Variants in DMD observed in about 807,000 individuals in gnomAD.
DMD encodes the protein mutant dystrophin.
Under a neutral mutation model 330.1 loss-of-function variants are expected in DMD, and 63 were observed. The ratio of observed to expected loss-of-function variants is 0.19; its 90% CI spans 0.16 to 0.24. DMD has a LOEUF of 0.24. Ranked by LOEUF, DMD falls within the 10% of genes least tolerant of loss-of-function variation. The pLI is 1.00. For synonymous variants in DMD, 1,223 were observed against 959.8 expected (o/e 1.27, Z -5.07); for missense variants, 3,344 against 2,684.1 (o/e 1.25, Z -5.43).
At chrX:32,655,887 T>TA (rs1274501796) in intron 9 of DMD, among the ~76,000 whole-genome samples, 1 of 111,612 alleles carries the variant, frequency 9.0e-6, no homozygotes, top group Admixed American at 9.6e-5. Flanking sequence ...CCTTTACCAT[T>TA]ATGTAATGGC....
intron 17 of DMD, among the ~76,000 whole-genome samples, chrX:32,543,305 GA>G (rs1378006482): frequency 9.2e-6 from 1 of 108,583 alleles, no homozygotes; most frequent in Non-Finnish European, 1.9e-5. Context: ...ACTCTTTCCT[GA>G]AAACAAAAAG....
At chrX:31,527,155 A>C (rs867344397) in intron 55 of DMD, among the ~76,000 whole-genome samples, 6 of 111,613 alleles carry the variant, frequency 5.4e-5, no homozygotes, top group Admixed American at 9.5e-5. Context: ...ACCAATCTGA[A>C]TCACAGATTG....
At chrX:32,687,882 G>A (rs2147427274) in intron 9 of DMD, among the ~76,000 whole-genome samples, 1 of 111,448 alleles carries the variant, frequency 9.0e-6, no homozygotes, top group African/African-American at 3.3e-5. Context: ...TATGCCAAGA[G>A]ATAACTGAGT....
intron 61 of DMD, among the ~76,000 whole-genome samples, chrX:31,327,962 T>C (rs1050127315): frequency 8.9e-6 from 1 of 112,657 alleles, no homozygotes; most frequent in Non-Finnish European, 1.9e-5. Context: ...TTGGCAATCA[T>C]GAATAAAGCT....
intron 51 of DMD, among the ~76,000 whole-genome samples, chrX:31,750,440 A>T (rs1269030084): frequency 9.1e-6 from 1 of 110,259 alleles, no homozygotes; most frequent in African/African-American, 3.3e-5. Flanking sequence ...GGTTTGTCAA[A>T]GATCAGATAG....
intron 7 of DMD, among the ~76,000 whole-genome samples, chrX:32,786,294 G>A (rs1322645853): frequency 4.6e-5 from 5 of 109,501 alleles, no homozygotes; most frequent in Non-Finnish European, 9.5e-5. Flanking sequence ...ACTCAAGGTG[G>A]GATTTCAATC....
chrX:33,106,046 TACACACACCAC>T (rs1346471283), intron 1 of DMD, among the ~76,000 whole-genome samples: 6 of 21,812 alleles, frequency 2.8e-4, no homozygotes, highest in African/African-American at 7.9e-4. Context: ...AAATGTGAGA[TACACACACCAC>T]ACACACACAC....
At chrX:31,576,486 T>G (rs986460403) in intron 55 of DMD, among the ~76,000 whole-genome samples, 4 of 110,005 alleles carry the variant, frequency 3.6e-5, no homozygotes, top group African/African-American at 1.3e-4. Context: ...GGCCTGACTT[T>G]GTATCCCTGT....
At chrX:31,239,692 A>G (rs1276633972) in intron 63 of DMD, among the ~76,000 whole-genome samples, 2 of 112,009 alleles carry the variant, frequency 1.8e-5, no homozygotes, top group Non-Finnish European at 3.8e-5. Context: ...AAATTTTCCC[A>G]AAAGCAAGCA....
At chrX:31,658,222 C>T in intron 53 of DMD, 78 bp from the exon 54 acceptor site, 2 of 1,050,384 alleles carry the variant, frequency 1.9e-6, no homozygotes, top group South Asian at 1.9e-5. Context: ...TAAAATACTT[C>T]GTAAACAGCT....
chrX:33,129,229 A>G (rs1214456158), intron 1 of DMD, among the ~76,000 whole-genome samples: 1 of 108,886 alleles, frequency 9.2e-6, no homozygotes, highest in East Asian at 2.9e-4. Context: ...TAACAATATA[A>G]CCAAGTAGAG....
At chrX:32,551,040 C>T (rs1167424083) in intron 16 of DMD, among the ~76,000 whole-genome samples, 1 of 110,989 alleles carries the variant, frequency 9.0e-6, no homozygotes, top group East Asian at 2.8e-4. Flanking sequence ...AGATTCACAC[C>T]TGAATACTAA....
chrX:32,720,679 A>T (rs1323141632), intron 7 of DMD, among the ~76,000 whole-genome samples: 3 of 111,852 alleles, frequency 2.7e-5, no homozygotes, highest in Admixed American at 1.9e-4. Context: ...AGAAAGGGTT[A>T]AGTAGCTGAG....
At chrX:32,225,370 C>T (rs1210597326) in intron 43 of DMD, among the ~76,000 whole-genome samples, 1 of 111,810 alleles carries the variant, frequency 8.9e-6, no homozygotes, top group Non-Finnish European at 1.9e-5. Context: ...AGATTATTGA[C>T]TCTTAATCTA....
intron 44 of DMD, among the ~76,000 whole-genome samples, chrX:32,068,971 T>A (rs2147771408): frequency 1.8e-5 from 2 of 111,715 alleles, no homozygotes; most frequent in Admixed American, 9.5e-5. Flanking sequence ...TTCAGAGACA[T>A]TTTAGTCATT....
At chrX:32,300,503 C>G (rs2097518552) in intron 42 of DMD, among the ~76,000 whole-genome samples, 1 of 111,768 alleles carries the variant, frequency 8.9e-6, no homozygotes, top group Non-Finnish European at 1.9e-5. Flanking sequence ...CTGCACTTTA[C>G]TGATCCAAGT....
chrX:32,000,249 G>A (rs770830947), intron 44 of DMD, among the ~76,000 whole-genome samples: 22 of 112,167 alleles, frequency 2.0e-4, no homozygotes, highest in African/African-American at 5.8e-4. Flanking sequence ...GACTCTATAA[G>A]TGTACATTTT....
intron 13 of DMD, among the ~76,000 whole-genome samples, chrX:32,584,542 T>C (rs2054008258): frequency 8.9e-6 from 1 of 112,138 alleles, no homozygotes; most frequent in Non-Finnish European, 1.9e-5. Context: ...CTGAACAGAA[T>C]ATGTAAAATG....
At chrX:33,017,821 T>A (rs905582274) in intron 2 of DMD, among the ~76,000 whole-genome samples, 1 of 111,678 alleles carries the variant, frequency 9.0e-6, no homozygotes, top group Non-Finnish European at 1.9e-5. Flanking sequence ...CCCAAATAAC[T>A]GTGTAGGTTC....
Sources: allele counts gnomAD v4.1 joint callset (sites outside exome capture counted in the v4.1 genomes callset), GRCh38; gene constraint gnomAD v4.1.1; transcripts MANE v1.5; gene names NCBI Gene and HGNC (gene_info 2026-07-23, HGNC 2026-07-21).